The following ESRP2 variants were observed in gnomAD, a reference collection of about 807,000 sequenced individuals.
The protein encoded by ESRP2 is epithelial splicing regulatory protein 2, also known as RNA binding motif protein 35A.
ESRP2 carries 48 observed loss-of-function variants against 78.6 expected under a neutral mutation model. The ratio of observed to expected loss-of-function variants is 0.61; its 90% CI spans 0.48 to 0.78. The LOEUF is 0.78. Among genes scored for constraint, ESRP2 ranks in the 30% least tolerant of loss-of-function variants. The probability of loss-of-function intolerance (pLI) is 0.00; values close to 1 mark genes in which losing one functional copy is unlikely to be tolerated. For missense variants in ESRP2, 863 were observed against 965.9 expected (o/e 0.89, Z 1.41); for synonymous variants, 383 against 406.7 (o/e 0.94, Z 0.70).
Position 68,229,819 on chromosome 16 carries a change from T to C in ESRP2, c.*407A>G. 5.1e-6 allele frequency: 1 copy of C among 194,550 alleles called. No homozygotes were observed. The highest frequency in any genetic ancestry group is 1.1e-5 in the Non-Finnish European group (1 of 92,202). 12.1% of individuals were successfully genotyped at this position (194,550 alleles called of 1,614,324 possible). On this transcript the variant is annotated 3_prime_UTR_variant, in exon 15 of 15. Transcript: ENST00000473183. Reference sequence around the variant, plus strand: ...TTTACTCAGAGGCTCAGATGGACCCTTGATTCTCCCAGGAGTCATACATTG... The same window carrying C: ...TTTACTCAGAGGCTCAGATGGACCCCTGATTCTCCCAGGAGTCATACATTG...
chr16:68,235,916 C>G lies in ESRP2; in HGVS notation c.130G>C (p.Asp44His). The G allele has an allele frequency of 6.2e-7, 1 of 1,607,680 alleles. No homozygotes were observed. The highest frequency in any genetic ancestry group is 8.5e-7 in the Non-Finnish European group (1 of 1,177,930). ...FGATAGALGR[D>H]LGSDETDLIL... ...AAGTCGGTCTCGTCCGAGCCCAGGT[C>G]CCGTCCCAGCGCACCCGCCGTAGCC... Residue 44 changes from aspartate to histidine, a missense_variant, in exon 1 of 15, where the codon GAC becomes CAC. Physicochemically the swap from Asp to His is moderately conservative, Grantham distance 81. Transcript: ENST00000473183. This position sits in a 1 kb window ranked among gnomAD's most constrained non-coding sequence, Gnocchi z 5.5.
In ESRP2 at chr16:68,235,724, C is replaced by A. The variant is rs148208256; in HGVS notation, c.237G>T (p.Ala79=). The A allele has an allele frequency of 6.2e-7, 1 of 1,606,258 alleles. No individual in the cohort carries two copies. Among genetic ancestry groups the A allele is most frequent in the Admixed American group, 1.7e-5 (1 of 59,864 alleles). ...TLHKSLVRAE[A]AALSTQCREA... ...CGCGGCACTGCGTACTCAGTGCGGC[C>A]GCCTCGGCACGAACCAGCGATTTGT... Residue 79 remains alanine (A), a synonymous_variant, in exon 2 of 15, where the codon GCG becomes GCT. Transcript: ENST00000473183. This position sits in a 1 kb window ranked among gnomAD's most constrained non-coding sequence, Gnocchi z 5.5.
chr16:68,230,481 C>T lies in ESRP2; in HGVS notation c.1972G>A (p.Val658Met). ...TAALASAPTS[V>M]LSQSGALVRM... ...ACCAAGGCTCCTGACTGGGACAACA[C>T]TGAGGTGGGAGCAGAGGCCAGGGCA... Residue 658 changes from valine (V) to methionine (M), a missense_variant, in exon 14 of 15, where the codon GTG (valine) becomes ATG (methionine). By Grantham distance (21) the Val-to-Met change is conservative (BLOSUM62 1). Transcript: ENST00000473183. The T allele has an allele frequency of 6.2e-7, 1 of 1,611,926 alleles. No individual in the cohort carries two copies. Among genetic ancestry groups the T allele is most frequent in the Non-Finnish European group, 8.5e-7 (1 of 1,178,732 alleles).
rs931252511 is a variant in ESRP2, at chr16:68,235,246, C to T, written c.327+388G>A. 6 of 985,296 alleles carry T rather than the reference C, an allele frequency of 6.1e-6. No individual in the cohort carries two copies. In the African/African-American group the frequency reaches 7.0e-5, roughly 11 times the overall value. 61.0% of individuals were successfully genotyped at this position (985,296 alleles called of 1,614,324 possible). ...TCCCAAGCAGGCCGAAGACGCGGGC[C>T]GCAAGGACAGGTGACCTATATGGGC... is the stretch of plus-strand genomic sequence containing the variant. On this transcript the variant is annotated intron_variant, in intron 2 of 14. Transcript: ENST00000473183. This position sits in a 1 kb window ranked among gnomAD's most constrained non-coding sequence, Gnocchi z 5.5.
Position 68,231,829 on chromosome 16 carries a change from G to A in ESRP2, c.1272C>T (p.Phe424=). The part of the protein sequence containing the change: ...GMLGKRYIEL[F]RSTAAEVQQV... ...GCTGCACTTCGGCTGCAGTGCTCCG[G>A]AAGAGTTCAATGTATCGCTTACCCA... Residue 424 remains phenylalanine, a synonymous_variant, in exon 10 of 15, where the codon TTC becomes TTT. Coordinates refer to ENST00000473183, the MANE Select transcript of ESRP2 (RefSeq NM_024939.3). This position sits in a 1 kb window ranked among gnomAD's most constrained non-coding sequence, Gnocchi z 6.0. 6.2e-7 allele frequency: 1 copy of A among 1,612,930 alleles called. No individual in the cohort carries two copies. Among genetic ancestry groups the A allele is most frequent in the South Asian group, 1.1e-5 (1 of 91,056 alleles).
chr16:68,232,730 T>G lies in ESRP2; in HGVS notation c.710+31A>C. On this transcript the variant is annotated intron_variant, in intron 6 of 14. Coordinates refer to ENST00000473183, the MANE Select transcript of ESRP2 (RefSeq NM_024939.3). The surrounding 1 kb of genome is among the most constrained non-coding windows in gnomAD (Gnocchi z 5.2). ...AGTGCTGTCAGAGCTATTCAGCTGTTGTCACCCCCAGCCCCTGCTCCCACA... is the reference window on the plus strand; with the variant it reads ...AGTGCTGTCAGAGCTATTCAGCTGTGGTCACCCCCAGCCCCTGCTCCCACA... 6.2e-7 allele frequency: 1 copy of G among 1,614,212 alleles called. No individual in the cohort carries two copies. Among genetic ancestry groups the G allele is most frequent in the Non-Finnish European group, 8.5e-7 (1 of 1,180,026 alleles).
Position 68,231,546 on chromosome 16 carries a change from C to T in ESRP2, c.1448G>A (p.Ser483Asn), listed in dbSNP as rs1488917654. The T allele has an allele frequency of 2.5e-6, 4 of 1,614,026 alleles. No individual in the cohort carries two copies. The highest frequency in any genetic ancestry group is 3.4e-6 in the Non-Finnish European group (4 of 1,180,034). The change falls in exon 11 of 15, where the codon AGC (serine) becomes AAC (asparagine). Residue 483 changes from serine (S) to asparagine (N), a missense_variant. Ser to Asn is a conservative substitution (Grantham distance 46). Transcript: ENST00000473183. This position sits in a 1 kb window ranked among gnomAD's most constrained non-coding sequence, Gnocchi z 6.0. ...PYTATIEDIL[S>N]FLGEAAADIR... ...GTCAGCTGCTGCCTCCCCCAGAAAG[C>T]TCAGGATGTCTTCAATGGTGGCCGT... is the stretch of plus-strand genomic sequence containing the variant.
Position 68,235,994 on chromosome 16 carries a change from C to T in ESRP2, c.52G>A (p.Asp18Asn), listed in dbSNP as rs755098271. The change falls in exon 1 of 15, where the codon GAC (aspartate) becomes AAC (asparagine). Residue 18 changes from aspartate (D) to asparagine (N), a missense_variant. Coordinates refer to ENST00000473183, the MANE Select transcript of ESRP2 (RefSeq NM_024939.3). This position sits in a 1 kb window ranked among gnomAD's most constrained non-coding sequence, Gnocchi z 5.5. ...CAGGGGCAGGGGTCCGCGGCGGGGT[C>T]GGCCGCGGGGTCAGGGCCCGGGGGA... is the stretch of plus-strand genomic sequence containing the variant. ...PPPPGPDPAA[D>N]PAADPCPWPG... 4.4e-6 allele frequency: 7 copies of T among 1,573,138 alleles called. No homozygotes were observed. In the East Asian group the frequency reaches 1.4e-4, roughly 32 times the overall value.
chr16:68,229,646 CCA>C lies in ESRP2; in HGVS notation c.*578_*579del, dbSNP rs913931089. On this transcript the variant is annotated 3_prime_UTR_variant, in exon 15 of 15. Coordinates refer to ENST00000473183, the MANE Select transcript of ESRP2 (RefSeq NM_024939.3). Reference sequence around the variant, plus strand: ...TTTTGCCATCTGTTACTCCTTATGCCCACCTGGAGAGGGGCTAGCATCTTTAG... The same window carrying C: ...TTTTGCCATCTGTTACTCCTTATGCCCCTGGAGAGGGGCTAGCATCTTTAG... The C allele has an allele frequency of 5.8e-5, 9 of 154,324 alleles. No homozygotes were observed. Among genetic ancestry groups the C allele is most frequent in the Admixed American group, 1.9e-4 (3 of 15,740 alleles). 9.6% of individuals were successfully genotyped at this position (154,324 alleles called of 1,614,324 possible). A position where few individuals can be genotyped will look rare whatever the true frequency, so the allele number is the denominator to read the frequency against.
chr16:68,232,895 TGAGA>T lies in ESRP2; in HGVS notation c.656-84_656-81del, dbSNP rs1039863056. ...CCAAGTTCTGCAAAAAGTGGACAATTGAGAGAGATGAAGAAATGACAGGCCGAGC... is the reference window on the plus strand; with the variant it reads ...CCAAGTTCTGCAAAAAGTGGACAATTGAGATGAAGAAATGACAGGCCGAGC... On this transcript the variant is annotated intron_variant, in intron 5 of 14. Transcript: ENST00000473183. This position sits in a 1 kb window ranked among gnomAD's most constrained non-coding sequence, Gnocchi z 5.2. The T allele has an allele frequency of 1.1e-5, 18 of 1,589,880 alleles. No individual in the cohort carries two copies. The Admixed American group carries it at 1.2e-4, about 10-fold the overall frequency.
At position 68,232,346 on chromosome 16, in the gene ESRP2, C is replaced by T; in HGVS notation, c.954+25G>A. ...TCAGGCCTGACTCAGATTGGCCCTGCTCCGCTCCCAGCCCAAAGCCCCACC... is the reference window on the plus strand; with the variant it reads ...TCAGGCCTGACTCAGATTGGCCCTGTTCCGCTCCCAGCCCAAAGCCCCACC... On this transcript the variant is annotated intron_variant, in intron 8 of 14. Coordinates refer to ENST00000473183, the MANE Select transcript of ESRP2 (RefSeq NM_024939.3). This position sits in a 1 kb window ranked among gnomAD's most constrained non-coding sequence, Gnocchi z 5.2. 6.2e-7 allele frequency: 1 copy of T among 1,614,150 alleles called. No homozygotes were observed. The highest frequency in any genetic ancestry group is 1.1e-5 in the South Asian group (1 of 91,078).
At position 68,234,026 on chromosome 16, in the gene ESRP2, G is replaced by A. The variant is rs1250892802; in HGVS notation, c.409C>T (p.Arg137Ter). Residue 137 changes from arginine (R) to a stop codon, truncating the protein, a stop_gained, in exon 3 of 15, where the codon CGA becomes TGA. Coordinates refer to ENST00000473183, the MANE Select transcript of ESRP2 (RefSeq NM_024939.3). LOFTEE classifies it high-confidence loss of function. ...MLCTDGQQLLRQVLHPEASRK... is the reference protein window; with the variant it reads ...MLCTDGQQLL ...GAGGCCTCGGGGTGCAGGACCTGTC[G>A]CAATAGCTGCTGCCCATCAGTGCAG... is the stretch of plus-strand genomic sequence containing the variant. 3.7e-6 allele frequency: 6 copies of A among 1,613,876 alleles called. No homozygotes were observed. Among genetic ancestry groups the A allele is most frequent in the Non-Finnish European group, 5.1e-6 (6 of 1,179,960 alleles).
chr16:68,230,188 G>A lies in ESRP2; in HGVS notation c.*38C>T, dbSNP rs571268163. On this transcript the variant is annotated 3_prime_UTR_variant, in exon 15 of 15. Coordinates refer to ENST00000473183, the MANE Select transcript of ESRP2 (RefSeq NM_024939.3). The stretch of plus-strand genomic sequence containing the variant: ...TGGACTCAGGAGAGACATGTTCGCC[G>A]AGGATATCAGCTGGCTCTTACCTCC... 1.4e-5 allele frequency: 22 copies of A among 1,586,426 alleles called. No individual in the cohort carries two copies. The highest frequency in any genetic ancestry group is 1.1e-4 in the East Asian group (5 of 44,710).
rs760057049 is a variant in ESRP2 at position 68,231,219 on chromosome 16, A to G, written c.1670T>C (p.Leu557Ser). The G allele has an allele frequency of 5.6e-6, 9 of 1,613,782 alleles. No individual in the cohort carries two copies. In the South Asian group the frequency reaches 9.9e-5, roughly 18 times the overall value. The change falls in exon 12 of 15, where the codon TTG (leucine) becomes TCG (serine). Residue 557 changes from leucine to serine, a missense_variant. Coordinates refer to ENST00000473183, the MANE Select transcript of ESRP2 (RefSeq NM_024939.3). This position sits in a 1 kb window ranked among gnomAD's most constrained non-coding sequence, Gnocchi z 6.0. The stretch of plus-strand genomic sequence containing the variant: ...TGGAGGGGACATGCCACTGCGGCCC[A>G]AGGTGCCCCCCATCAGCACTCGGCT... ...EMSRVLMGGTLGRSGMSPPPC... is the reference protein window; with the variant it reads ...EMSRVLMGGTSGRSGMSPPPC...
rs1284300115 is a variant in ESRP2 at position 68,232,926 on chromosome 16, C to T, written c.656-111G>A. The T allele has an allele frequency of 6.8e-7, 1 of 1,463,318 alleles. No individual in the cohort carries two copies. Among genetic ancestry groups the T allele is most frequent in the Non-Finnish European group, 9.4e-7 (1 of 1,061,224 alleles). The allele number at this position is 1,463,318 out of a possible 1,614,324, so 90.6% of individuals were successfully genotyped here. A position where few individuals can be genotyped will look rare whatever the true frequency, so the allele number is the denominator to read the frequency against. On this transcript the variant is annotated intron_variant, in intron 5 of 14. Transcript: ENST00000473183. The surrounding 1 kb of genome is among the most constrained non-coding windows in gnomAD (Gnocchi z 5.2). ...AGATGAAGAAATGACAGGCCGAGCA[C>T]AGTGGCTCACGCCTATAATCCCAGC...
Position 68,233,806 on chromosome 16 carries a change from CA to C in ESRP2, c.517del (p.Cys173AlafsTer15). ...GGCCACAGTGAGGTCCCTGGCAGGG[CA>C]GGTGCTTGGATGCTGCATATGGAAT... ...REFHMQHPST[C>X]PARDLTVATM... On this transcript the variant is annotated frameshift_variant, in exon 4 of 15. Coordinates refer to ENST00000473183, the MANE Select transcript of ESRP2 (RefSeq NM_024939.3). LOFTEE classifies it high-confidence loss of function. The C allele has an allele frequency of 6.2e-7, 1 of 1,614,096 alleles. No individual in the cohort carries two copies. Among genetic ancestry groups the C allele is most frequent in the Non-Finnish European group, 8.5e-7 (1 of 1,180,008 alleles).
chr16:68,230,446 C>T lies in ESRP2; in HGVS notation c.2007G>A (p.Gln669=), dbSNP rs1241726660. 6.2e-7 allele frequency: 1 copy of T among 1,613,042 alleles called. No individual in the cohort carries two copies. Among genetic ancestry groups the T allele is most frequent in the African/African-American group, 1.3e-5 (1 of 75,042 alleles). Residue 669 remains glutamine, a synonymous_variant, in exon 14 of 15, where the codon CAG becomes CAA. Coordinates refer to ENST00000473183, the MANE Select transcript of ESRP2 (RefSeq NM_024939.3). Reference sequence around the variant, plus strand: ...TCATACCAGCCGTGTATGGGACACCCTGCATGCGGACCAAGGCTCCTGACT... The same window carrying T: ...TCATACCAGCCGTGTATGGGACACCTTGCATGCGGACCAAGGCTCCTGACT... ...LSQSGALVRM[Q]GVPYTAGMKD...
rs1025619576 is a variant in ESRP2 at position 68,230,499 on chromosome 16, C to A, written c.1954G>T (p.Ala652Ser). 6.2e-7 allele frequency: 1 copy of A among 1,608,910 alleles called. No homozygotes were observed. The highest frequency in any genetic ancestry group is 1.1e-5 in the South Asian group (1 of 90,162). The change falls in exon 14 of 15, where the codon GCC becomes TCC. Residue 652 changes from alanine (A) to serine (S), a missense_variant. By Grantham distance (99) the Ala-to-Ser change is moderately conservative (BLOSUM62 1). Transcript: ENST00000473183. ...GYLTTPTAAL[A>S]SAPTSVLSQS... ...GACAACACTGAGGTGGGAGCAGAGGCCAGGGCAGCAGTGGGTGTAGTGAGG... is the reference window on the plus strand; with the variant it reads ...GACAACACTGAGGTGGGAGCAGAGGACAGGGCAGCAGTGGGTGTAGTGAGG...
chr16:68,231,488 GT>G lies in ESRP2; in HGVS notation c.1505del (p.Asn502ThrfsTer14). The G allele has an allele frequency of 1.9e-6, 3 of 1,614,044 alleles. No individual in the cohort carries two copies. The South Asian group carries it at 3.3e-5, about 18-fold the overall frequency. On this transcript the variant is annotated frameshift_variant, in exon 11 of 15. Coordinates refer to ENST00000473183, the MANE Select transcript of ESRP2 (RefSeq NM_024939.3). LOFTEE classifies it high-confidence loss of function. The surrounding 1 kb of genome is among the most constrained non-coding windows in gnomAD (Gnocchi z 6.0). The stretch of plus-strand genomic sequence containing the variant: ...TACCAAGCAGTGGCTTCACCTGCTG[GT>G]TGAGCACCATGTGTACACCGTGGGG... ...IRPHGVHMVLNQQGRPSGDAF... is the reference protein window; with the variant it reads ...IRPHGVHMVLXQQGRPSGDAF...
Sources: gnomAD v4.1 joint callset for allele counts on GRCh38, gnomAD v4.1.1 for gene constraint, Gnocchi (gnomAD v3.1) non-coding constraint, MANE v1.5 for transcripts, NCBI Gene and HGNC (gene_info 2026-07-23, HGNC 2026-07-21) for gene names.